The following PPP6R2 variants were observed in gnomAD, a reference collection of about 807,000 sequenced individuals.
PPP6R2 encodes serine/threonine-protein phosphatase 6 regulatory subunit 2.
Under a neutral mutation model 100.2 loss-of-function variants are expected in PPP6R2, and 62 were observed. The ratio of observed to expected loss-of-function variants is 0.62; its 90% CI spans 0.50 to 0.76. The LOEUF (loss-of-function observed/expected upper bound fraction) is 0.76. Ranked by LOEUF, PPP6R2 falls within the 30% of genes least tolerant of loss-of-function variation. The probability of loss-of-function intolerance (pLI) is 0.00; values close to 1 mark genes in which losing one functional copy is unlikely to be tolerated. For synonymous variants in PPP6R2, 525 were observed against 514.7 expected (o/e 1.02, Z -0.27); for missense variants, 1,142 against 1,276.3 (o/e 0.89, Z 1.60).
the PPP6R2 span, among the ~76,000 whole-genome samples, chr22:50,334,502 T>C: frequency 2.6e-5 from 4 of 152,188 alleles, no homozygotes; most frequent in Non-Finnish European, 5.9e-5. Context: ...ATATATATAA[T>C]CTATTTCTAG....
chr22:50,417,521 G>C (rs1357886808), intron 6 of PPP6R2, among the ~76,000 whole-genome samples: 1 of 152,144 alleles, frequency 6.6e-6, no homozygotes, highest in Non-Finnish European at 1.5e-5. Context: ...TACACATACC[G>C]ATCTATACAT....
intron 2 of PPP6R2, among the ~76,000 whole-genome samples, chr22:50,390,376 A>G (rs1216625340): frequency 6.6e-6 from 1 of 152,222 alleles, no homozygotes. Flanking sequence ...CATACCAAAC[A>G]TGAATCACAA....
chr22:50,358,998 C>G (rs762353029), intron 1 of PPP6R2, among the ~76,000 whole-genome samples: 2,858 of 101,810 alleles, frequency 0.028, 316 homozygotes, highest in East Asian at 0.045. Context: ...CCGCCCCCCC[C>G]CCCCCCCCAA....
rs2051406441 is a variant in PPP6R2 at position 50,375,842 on chromosome 22, T to TTTTTTTTTTTTTTC, written c.-17+3705_-17+3706insCTTTTTTTTTTTTT. 3.0e-5 allele frequency among the ~76,000 whole-genome samples: 4 copies of TTTTTTTTTTTTTTC among 134,052 alleles called. 1 individual carries two copies. Among genetic ancestry groups the TTTTTTTTTTTTTTC allele is most frequent in the Non-Finnish European group, 6.3e-5 (4 of 63,530 alleles). The allele number at this position is 134,052 out of a possible 152,430, so 87.9% of individuals were successfully genotyped here. A position where few individuals can be genotyped will look rare whatever the true frequency, so the allele number is the denominator to read the frequency against. ...AAAGAATCCCTGCAGATTTTTTTTT[T>TTTTTTTTTTTTTTC]TTTTTTTTTTTTTTTTGAGATGGAG... On this transcript the variant is annotated intron_variant, in intron 2 of 23. Coordinates refer to ENST00000612753, the MANE Select transcript of PPP6R2 (RefSeq NM_001242898.2).
At chr22:50,394,178 TGCAGGCAGGCC>T (rs779079547) in intron 3 of PPP6R2, 43 bp downstream of exon 3, 25 of 1,602,414 alleles carry the variant, frequency 1.6e-5, no homozygotes, top group South Asian at 1.1e-4. Flanking sequence ...CAGGCAGTGC[TGCAGGCAGGCC>T]GCAGGCAGTG....
intron 1 of PPP6R2, among the ~76,000 whole-genome samples, chr22:50,351,849 A>G (rs529359250): frequency 2.0e-5 from 3 of 152,038 alleles, no homozygotes; most frequent in Non-Finnish European, 4.4e-5. Flanking sequence ...TCTGGAGTGC[A>G]GTGGCGCGAT....
chr22:50,416,448 C>A (rs1044485817), intron 6 of PPP6R2, among the ~76,000 whole-genome samples: 2 of 151,742 alleles, frequency 1.3e-5, no homozygotes, highest in African/African-American at 4.8e-5. Flanking sequence ...CCTGCTCACC[C>A]AGTCGGGTGA....
Position 50,440,065 on chromosome 22 carries a change from G to A in PPP6R2, c.2374+16G>A, listed in dbSNP as rs1247905113. The A allele has an allele frequency of 1.2e-6, 2 of 1,603,178 alleles. No homozygotes were observed. Among genetic ancestry groups the A allele is most frequent in the East Asian group, 4.5e-5 (2 of 44,780 alleles). The stretch of plus-strand genomic sequence containing the variant: ...GAGAAAGCCTGTGAGTAGGAGCAGT[G>A]CAGGCGGCACCCAGCCTTGCCCAGT... On this transcript the variant is annotated intron_variant, in intron 21 of 23. Coordinates refer to ENST00000612753, the MANE Select transcript of PPP6R2 (RefSeq NM_001242898.2).
At chr22:50,367,485 GA>G (rs1188200069) in intron 1 of PPP6R2, among the ~76,000 whole-genome samples, 1 of 152,092 alleles carries the variant, frequency 6.6e-6, no homozygotes, top group Non-Finnish European at 1.5e-5. Context: ...GGCAGAGGAT[GA>G]GGGGTGGATG....
intron 1 of PPP6R2, among the ~76,000 whole-genome samples, chr22:50,369,120 C>A (rs1215531932): frequency 6.6e-6 from 1 of 151,922 alleles, no homozygotes; most frequent in Non-Finnish European, 1.5e-5. Context: ...TGCCTGCAAT[C>A]CCAGCTACTT....
chr22:50,360,445 C>T (rs1252842543), intron 1 of PPP6R2, among the ~76,000 whole-genome samples: 1 of 150,714 alleles, frequency 6.6e-6, no homozygotes, highest in Non-Finnish European at 1.5e-5. Flanking sequence ...TCACTGCAGT[C>T]TTGAACTCTC....
At chr22:50,414,447 C>T in intron 4 of PPP6R2, 105 bp from the exon 5 acceptor site, 2 of 1,284,896 alleles carry the variant, frequency 1.6e-6, no homozygotes, top group Non-Finnish European at 2.2e-6. Context: ...GTTATTTCTG[C>T]TTAATATAAT....
intron 2 of PPP6R2, among the ~76,000 whole-genome samples, chr22:50,373,773 G>C (rs1379448284): frequency 1.3e-5 from 2 of 151,378 alleles, no homozygotes; most frequent in Non-Finnish European, 2.9e-5. Flanking sequence ...TTGCTCTGTT[G>C]CCCATGCTGG....
the PPP6R2 span, among the ~76,000 whole-genome samples, chr22:50,337,490 TGTG>T: frequency 7.2e-6 from 1 of 138,214 alleles, no homozygotes; most frequent in Non-Finnish European, 1.5e-5. Context: ...GTCTGCGATG[TGTG>T]GTGTGTGTGC....
intron 3 of PPP6R2, among the ~76,000 whole-genome samples, chr22:50,399,277 A>G (rs938419538): frequency 3.3e-5 from 5 of 152,260 alleles, no homozygotes; most frequent in African/African-American, 1.2e-4. Flanking sequence ...ATGAAAAGTC[A>G]GAGAGTAAAT....
At chr22:50,342,301 C>T (rs1476345422), upstream of PPP6R2, among the ~76,000 whole-genome samples, 1 of 152,224 alleles carries the variant, frequency 6.6e-6, no homozygotes, top group Non-Finnish European at 1.5e-5. Context: ...ACGGAACCTG[C>T]CAGAAATCTG....
chr22:50,419,483 T>C (rs1183451854), intron 8 of PPP6R2, 21 bp downstream of exon 8: 1 of 1,569,018 alleles, frequency 6.4e-7, no homozygotes, highest in Non-Finnish European at 8.8e-7. Context: ...CGAGGAGAAA[T>C]CGTGTAGAGC....
At chr22:50,374,669 A>C (rs13054976) in intron 2 of PPP6R2, among the ~76,000 whole-genome samples, 1 of 152,170 alleles carries the variant, frequency 6.6e-6, no homozygotes, top group East Asian at 1.9e-4. Context: ...TAATCCCAGC[A>C]CTTTGGGAGG....
chr22:50,363,369 C>T (rs2048156865), intron 1 of PPP6R2, among the ~76,000 whole-genome samples: 1 of 152,216 alleles, frequency 6.6e-6, no homozygotes, highest in African/African-American at 2.4e-5. Flanking sequence ...TTCTCCATTG[C>T]CACAGTTAAG....
Sources: gnomAD v4.1 joint callset for allele counts (sites outside exome capture counted in the v4.1 genomes callset) on GRCh38, gnomAD v4.1.1 for gene constraint, MANE v1.5 for transcripts, NCBI Gene and HGNC (gene_info 2026-07-23, HGNC 2026-07-21) for gene names.